The following FRMD6 variants were observed in gnomAD, a reference collection of about 807,000 sequenced individuals.
FRMD6 encodes the protein FERM domain containing 6.
FRMD6 carries 37 observed loss-of-function variants against 73.2 expected under a neutral mutation model. That is an observed-to-expected ratio of 0.51 (90% CI 0.39 to 0.66). FRMD6 has a LOEUF of 0.66. Among genes scored for constraint, FRMD6 ranks in the 30% least tolerant of loss-of-function variants. The pLI is 0.00. For synonymous variants in FRMD6, 273 were observed against 282.2 expected (o/e 0.97, Z 0.33); for missense variants, 714 against 780.5 (o/e 0.91, Z 1.02).
chr14:51,413,482 C>A, the FRMD6 span, among the ~76,000 whole-genome samples: 1 of 152,320 alleles, frequency 6.6e-6, no homozygotes, highest in Non-Finnish European at 1.5e-5. Context: ...CTGCAAAGGA[C>A]ATGAACTCAT....
At chr14:51,701,227 C>A in intron 4 of FRMD6, 68 bp downstream of exon 4, 2 of 872,156 alleles carry the variant, frequency 2.3e-6, no homozygotes, top group Non-Finnish European at 3.5e-6. Context: ...AGCTGTTATA[C>A]ATTAGAAGAA....
At chr14:51,563,770 G>T (rs968365264) in intron 1 of FRMD6, among the ~76,000 whole-genome samples, 4 of 152,174 alleles carry the variant, frequency 2.6e-5, no homozygotes, top group Admixed American at 2.6e-4. Context: ...TATACAGAAG[G>T]TCTATGATTA....
At chr14:51,591,262 T>G (rs1889369650) in intron 2 of FRMD6, among the ~76,000 whole-genome samples, 1 of 151,830 alleles carries the variant, frequency 6.6e-6, no homozygotes, top group African/African-American at 2.4e-5. Flanking sequence ...GAAGAAGTGA[T>G]GCTGGCAGAA....
intron 1 of FRMD6, among the ~76,000 whole-genome samples, chr14:51,665,076 C>G (rs557838079): frequency 6.6e-6 from 1 of 152,146 alleles, no homozygotes. Context: ...AAGCCTGTGG[C>G]CCACCAACAA....
At chr14:51,527,278 T>C (rs1885310330) in intron 1 of FRMD6, among the ~76,000 whole-genome samples, 1 of 152,254 alleles carries the variant, frequency 6.6e-6, no homozygotes, top group African/African-American at 2.4e-5. Flanking sequence ...ACATCTTTCA[T>C]CTGAGGCCAT....
At chr14:51,470,415 G>T in the FRMD6 span, among the ~76,000 whole-genome samples, 7 of 152,054 alleles carry the variant, frequency 4.6e-5, no homozygotes, top group African/African-American at 1.7e-4. Flanking sequence ...GAGGAGAATT[G>T]CTTGAACCCG....
the FRMD6 span, among the ~76,000 whole-genome samples, chr14:51,426,472 G>GT: frequency 1.3e-5 from 2 of 152,042 alleles, no homozygotes; most frequent in Non-Finnish European, 2.9e-5. Context: ...TTGTACTATA[G>GT]TTTTTTTAAT....
intron 2 of FRMD6, among the ~76,000 whole-genome samples, chr14:51,643,101 A>T (rs1340102912): frequency 6.6e-6 from 1 of 152,240 alleles, no homozygotes; most frequent in Admixed American, 6.5e-5. Flanking sequence ...CTAGGTTCAG[A>T]TCCAAGCATC....
chr14:51,491,594 A>G (rs8015746), intron 1 of FRMD6: 92,793 of 152,036 alleles, frequency 0.61, 28,578 homozygotes, highest in South Asian at 0.68. Context: ...AACCCTATGA[A>G]GTAAGGACTA....
chr14:51,455,811 G>T, the FRMD6 span, among the ~76,000 whole-genome samples: 1 of 152,180 alleles, frequency 6.6e-6, no homozygotes, highest in Non-Finnish European at 1.5e-5. Flanking sequence ...AGAGGTAAGG[G>T]AATTGGAACT....
At chr14:51,617,589 T>C (rs1890764356) in intron 2 of FRMD6, among the ~76,000 whole-genome samples, 1 of 152,232 alleles carries the variant, frequency 6.6e-6, no homozygotes, top group Non-Finnish European at 1.5e-5. Flanking sequence ...AACTAGTTTG[T>C]ACTTCCATTT....
At chr14:51,575,471 A>G (rs1244522692) in intron 2 of FRMD6, among the ~76,000 whole-genome samples, 1 of 152,236 alleles carries the variant, frequency 6.6e-6, no homozygotes, top group Admixed American at 6.5e-5. Flanking sequence ...TGGTTGAGCT[A>G]AGTGGAAATT....
the FRMD6 span, among the ~76,000 whole-genome samples, chr14:51,403,511 C>T: frequency 6.3e-4 from 96 of 152,040 alleles, no homozygotes; most frequent in Non-Finnish European, 8.7e-4. Context: ...GGTGATCTTC[C>T]CACTTCAGCC....
chr14:51,470,146 G>A, the FRMD6 span, among the ~76,000 whole-genome samples: 1 of 151,950 alleles, frequency 6.6e-6, no homozygotes, highest in Non-Finnish European at 1.5e-5. Context: ...TCATTCCTTA[G>A]TGATTTGTGT....
chr14:51,697,891 G>C, intron 2 of FRMD6: 1 of 307,204 alleles, frequency 3.3e-6, no homozygotes, highest in South Asian at 8.9e-5. Context: ...CATGGTTTCA[G>C]AGCTTTGTCC....
chr14:51,423,552 G>A, the FRMD6 span, among the ~76,000 whole-genome samples: 1 of 152,108 alleles, frequency 6.6e-6, no homozygotes. Context: ...GCAACTTTCT[G>A]TCTTCTCCTT....
chr14:51,721,753 A>AGGAAGGAGGGAAGGAGGGAAGGAG (rs149590944), intron 11 of FRMD6, among the ~76,000 whole-genome samples, 196 bp from the exon 12 acceptor site: 11 of 108,690 alleles, frequency 1.0e-4, no homozygotes, highest in African/African-American at 3.5e-4. Flanking sequence ...GAAGGGAGGA[A>AGGAAGGAGGGAAGGAGGGAAGGAG]GGAAGGAGGG....
Position 51,712,530 on chromosome 14 carries a change from T to C in FRMD6, c.828T>C (p.Asn276=), listed in dbSNP as rs1294139276. The C allele has an allele frequency of 6.2e-7, 1 of 1,602,180 alleles. No individual in the cohort carries two copies. Among genetic ancestry groups the C allele is most frequent in the Non-Finnish European group, 8.5e-7 (1 of 1,169,826 alleles). ...KQLLYDFPWT[N]VGKLVFVGKK... is the part of the protein sequence containing the mutation. ...TACTTTATGATTTCCCCTGGACAAA[T>C]GTTGGAAAATTGGTGTTTGTGGTAA... The change falls in exon 9 of 14, where the codon AAT becomes AAC. Residue 276 remains asparagine, a synonymous_variant. Coordinates refer to ENST00000344768, the MANE Select transcript of FRMD6 (RefSeq NM_001267046.2).
chr14:51,506,793 AC>A (rs575058598), intron 1 of FRMD6, among the ~76,000 whole-genome samples: 403 of 152,320 alleles, frequency 2.6e-3, no homozygotes, highest in African/African-American at 9.2e-3. Context: ...CAGGCAGTTG[AC>A]TAAATAAACC....
Sources: allele counts gnomAD v4.1 joint callset (sites outside exome capture counted in the v4.1 genomes callset), GRCh38; gene constraint gnomAD v4.1.1; transcripts MANE v1.5; gene names NCBI Gene and HGNC (gene_info 2026-07-23, HGNC 2026-07-21).